The following FGF14 variants were observed in gnomAD, a reference collection of about 807,000 sequenced individuals.
The protein encoded by FGF14 is fibroblast growth factor 14, also known as fibroblast growth factor homologous factor 4.
Under a neutral mutation model 25.5 loss-of-function variants are expected in FGF14, and 5 were observed. The ratio of observed to expected loss-of-function variants is 0.20; its 90% CI spans 0.10 to 0.41. FGF14 has a LOEUF of 0.41. Ranked by LOEUF, FGF14 falls within the 10% of genes least tolerant of loss-of-function variation. The pLI is 1.00. For missense variants in FGF14, 222 were observed against 320.1 expected (o/e 0.69, Z 2.34); for synonymous variants, 138 against 118.3 (o/e 1.17, Z -1.08).
chr13:101,862,214 T>A (rs1175668412), intron 3 of FGF14, among the ~76,000 whole-genome samples: 1 of 152,096 alleles, frequency 6.6e-6, no homozygotes, highest in Non-Finnish European at 1.5e-5. Flanking sequence ...TCTCTTCTTG[T>A]GATGGGTTTT....
intron 2 of FGF14, among the ~76,000 whole-genome samples, chr13:101,874,016 TAAA>T: frequency 6.6e-6 from 1 of 151,140 alleles, no homozygotes; most frequent in Non-Finnish European, 1.5e-5. Context: ...GAAGAAAAAA[TAAA>T]AAGTGAAGCA....
At chr13:101,974,607 G>A (rs2037811970) in intron 1 of FGF14, among the ~76,000 whole-genome samples, 1 of 152,094 alleles carries the variant, frequency 6.6e-6, no homozygotes, top group Admixed American at 6.5e-5. Flanking sequence ...AGGGGCCACT[G>A]TCCCCATCAA....
At chr13:102,361,190 C>T (rs538916407) in intron 1 of FGF14, among the ~76,000 whole-genome samples, 1 of 152,150 alleles carries the variant, frequency 6.6e-6, no homozygotes, top group East Asian at 1.9e-4. Flanking sequence ...CAAATCAGAG[C>T]GGTTTCAAAG....
At chr13:102,176,443 A>G (rs1050348499) in intron 1 of FGF14, among the ~76,000 whole-genome samples, 2 of 152,132 alleles carry the variant, frequency 1.3e-5, no homozygotes, top group Non-Finnish European at 2.9e-5. Context: ...AGAGGGTTGT[A>G]GGGTGAAAAA....
chr13:102,207,690 TA>T (rs968359918), intron 1 of FGF14, among the ~76,000 whole-genome samples: 1 of 147,690 alleles, frequency 6.8e-6, no homozygotes, highest in African/African-American at 2.5e-5. Context: ...CATAATGGCC[TA>T]AAATGAATGT....
chr13:102,220,860 GTCTCAGCTCAGCCTC>G (rs2050580612), intron 1 of FGF14, among the ~76,000 whole-genome samples: 1 of 152,166 alleles, frequency 6.6e-6, no homozygotes, highest in Non-Finnish European at 1.5e-5. Context: ...AGGCCTGTTG[GTCTCAGCTCAGCCTC>G]TCTTTAGCGG....
chr13:101,722,701 C>A lies in FGF14; in HGVS notation c.*130G>T. Reference sequence around the variant, plus strand: ...TTTATCCACTTGCAACAGAGAAGTTCGGAGACAGCAAAGAATAAGCATTAG... The same window carrying A: ...TTTATCCACTTGCAACAGAGAAGTTAGGAGACAGCAAAGAATAAGCATTAG... On this transcript the variant is annotated 3_prime_UTR_variant, in exon 5 of 5. Transcript: ENST00000376143. The A allele has an allele frequency of 7.8e-7, 1 of 1,280,080 alleles. No individual in the cohort carries two copies. Among genetic ancestry groups the A allele is most frequent in the Admixed American group, 1.9e-5 (1 of 51,660 alleles). 79.3% of individuals were successfully genotyped at this position (1,280,080 alleles called of 1,614,324 possible). A position where few individuals can be genotyped will look rare whatever the true frequency, so the allele number is the denominator to read the frequency against.
chr13:102,079,575 C>G (rs1396674706), intron 1 of FGF14, among the ~76,000 whole-genome samples: 1 of 152,100 alleles, frequency 6.6e-6, no homozygotes, highest in Non-Finnish European at 1.5e-5. Context: ...GCTACCATAT[C>G]TAGACTCAAT....
At chr13:102,124,874 T>C (rs1594053564) in intron 1 of FGF14, among the ~76,000 whole-genome samples, 1 of 152,266 alleles carries the variant, frequency 6.6e-6, no homozygotes, top group Middle Eastern at 3.4e-3. Flanking sequence ...AATTCTTATC[T>C]TTACCTTCCT....
chr13:102,281,098 G>T (rs1416154973), intron 1 of FGF14, among the ~76,000 whole-genome samples: 5 of 152,100 alleles, frequency 3.3e-5, no homozygotes, highest in African/African-American at 9.7e-5. Context: ...AGTTTCAGTA[G>T]TAATATTTTC....
In FGF14 at chr13:102,366,785, C is replaced by A. The variant is rs542225634; in HGVS notation, c.208+34686G>T. Among the ~76,000 whole-genome samples the A allele has an allele frequency of 1.2e-4, 18 of 152,176 alleles. No individual in the cohort carries two copies. In the South Asian group the frequency reaches 2.3e-3, roughly 19 times the overall value. The stretch of plus-strand genomic sequence containing the variant: ...GGTAATATCTTAAAACAGAAAAATA[C>A]ACATCTGATGGAAAGTAAATTTCAA... On this transcript the variant is annotated intron_variant, in intron 1 of 4. Transcript: ENST00000376131.
At chr13:102,185,630 C>T (rs2048846504) in intron 1 of FGF14, among the ~76,000 whole-genome samples, 1 of 152,140 alleles carries the variant, frequency 6.6e-6, no homozygotes, top group Admixed American at 6.6e-5. Flanking sequence ...TACACCTTCT[C>T]TAGATAAATT....
intron 1 of FGF14, among the ~76,000 whole-genome samples, chr13:102,084,159 C>T (rs1045438051): frequency 4.6e-5 from 7 of 152,068 alleles, no homozygotes; most frequent in South Asian, 2.1e-4. Context: ...TTACTTAATC[C>T]TATCTTCCTA....
chr13:101,718,793 A>G lies in FGF14; in HGVS notation c.*4038T>C, dbSNP rs1006932942. On this transcript the variant is annotated 3_prime_UTR_variant, in exon 5 of 5. Transcript: ENST00000376143. ...TAGTGAAAACCAGGAAAAAAAAAAA[A>G]AACTAAAATATAACTCAGCCTTAGT... is the stretch of plus-strand genomic sequence containing the variant. The G allele has an allele frequency of 6.6e-6, 1 of 152,014 alleles. No individual in the cohort carries two copies. Among genetic ancestry groups the G allele is most frequent in the African/African-American group, 2.4e-5 (1 of 41,390 alleles). The allele number at this position is 152,014 out of a possible 1,614,324, so 9.4% of individuals were successfully genotyped here.
intron 1 of FGF14, among the ~76,000 whole-genome samples, chr13:101,878,253 C>T (rs760682346): frequency 2.8e-4 from 42 of 152,176 alleles, no homozygotes; most frequent in Non-Finnish European, 5.4e-4. Flanking sequence ...TAAAATGCCC[C>T]TTTGCACATC....
chr13:102,052,551 T>C (rs942074269), intron 1 of FGF14, among the ~76,000 whole-genome samples: 2 of 151,590 alleles, frequency 1.3e-5, no homozygotes, highest in Non-Finnish European at 2.9e-5. Flanking sequence ...AAGCAAATCA[T>C]ATATTAGAGA....
chr13:102,110,246 GT>G (rs2045150733), intron 1 of FGF14, among the ~76,000 whole-genome samples: 1 of 152,186 alleles, frequency 6.6e-6, no homozygotes, highest in Admixed American at 6.5e-5. Flanking sequence ...GTAGAAAGCA[GT>G]GTTTTTTTCC....
intron 3 of FGF14, among the ~76,000 whole-genome samples, chr13:101,853,803 T>A (rs922282548): frequency 6.6e-6 from 1 of 151,980 alleles, no homozygotes; most frequent in Non-Finnish European, 1.5e-5. Flanking sequence ...TCACTACTAA[T>A]CACTTTGGGG....
At chr13:101,956,220 T>A (rs72662450) in intron 1 of FGF14, among the ~76,000 whole-genome samples, 15,399 of 152,220 alleles carry the variant, frequency 0.1, 908 homozygotes, top group Admixed American at 0.2. Flanking sequence ...CATATTCATG[T>A]GATAAATTGC....
Sources: allele counts gnomAD v4.1 joint callset (sites outside exome capture counted in the v4.1 genomes callset), GRCh38; gene constraint gnomAD v4.1.1; transcripts MANE v1.5; gene names NCBI Gene and HGNC (gene_info 2026-07-23, HGNC 2026-07-21).